MRE11: variants seen among roughly 807,000 people sequenced by gnomAD.
MRE11 encodes the protein MRE11 double strand break repair nuclease.
MRE11 carries 62 observed loss-of-function variants against 91.7 expected under a neutral mutation model. The observed-to-expected ratio is 0.68, with a 90% CI of 0.55 to 0.84. The LOEUF (loss-of-function observed/expected upper bound fraction) is 0.84, where lower values mean the gene tolerates loss of function less well. Among genes scored for constraint, MRE11 ranks in the 40% least tolerant of loss-of-function variants. The pLI is 0.00. For missense variants in MRE11, 796 were observed against 852.9 expected (o/e 0.93, Z 0.83); for synonymous variants, 273 against 271.4 (o/e 1.01, Z -0.06).
chr11:94,427,563 AAAG>A (rs1294644042), intron 19 of MRE11, among the ~76,000 whole-genome samples: 1 of 152,186 alleles, frequency 6.6e-6, no homozygotes, highest in East Asian at 1.9e-4. Context: ...CAAGAGAAAG[AAAG>A]AAAAGACATC....
chr11:94,440,761 T>G (rs2134864001), intron 16 of MRE11, among the ~76,000 whole-genome samples: 1 of 152,332 alleles, frequency 6.6e-6, no homozygotes, highest in Non-Finnish European at 1.5e-5. Flanking sequence ...GGTAGTTCAT[T>G]ACTTTTTCTC....
the MRE11 span, chr11:94,499,069 C>T: frequency 6.5e-6 from 1 of 154,746 alleles, no homozygotes; most frequent in African/African-American, 2.4e-5. Context: ...AGCAAAAAAC[C>T]TAGATCTTTG....
the MRE11 span, among the ~76,000 whole-genome samples, chr11:94,507,204 C>G: frequency 1.3e-5 from 2 of 152,116 alleles, no homozygotes; most frequent in Non-Finnish European, 2.9e-5. Flanking sequence ...TTAGTTTTGC[C>G]TACATAAATG....
chr11:94,510,488 C>A, the MRE11 span, among the ~76,000 whole-genome samples: 114 of 152,296 alleles, frequency 7.5e-4, no homozygotes, highest in African/African-American at 2.7e-3. Context: ...CCCACTGCTT[C>A]TTGATAAAAA....
chr11:94,506,585 C>CTTTT, the MRE11 span, among the ~76,000 whole-genome samples: 3 of 147,184 alleles, frequency 2.0e-5, no homozygotes, highest in African/African-American at 7.7e-5. Context: ...ACAGTAATTG[C>CTTTT]TTTTTTTGTT....
At chr11:94,451,423 A>G (rs909125701) in intron 14 of MRE11, among the ~76,000 whole-genome samples, 3 of 152,212 alleles carry the variant, frequency 2.0e-5, no homozygotes, top group African/African-American at 7.2e-5. Flanking sequence ...AAAACAGATA[A>G]GCCCACTGCT....
At chr11:94,467,639 T>C (rs561986612) in intron 10 of MRE11, among the ~76,000 whole-genome samples, 174 bp downstream of exon 10, 1 of 152,310 alleles carries the variant, frequency 6.6e-6, no homozygotes, top group East Asian at 1.9e-4. Flanking sequence ...ACCAAACCTA[T>C]CACTTAAACT....
At chr11:94,427,431 A>T (rs897862878) in intron 19 of MRE11, among the ~76,000 whole-genome samples, 1 of 152,154 alleles carries the variant, frequency 6.6e-6, no homozygotes, top group Admixed American at 6.5e-5. Flanking sequence ...TCCACAACCA[A>T]CATCATGCTG....
At chr11:94,494,290 C>G (rs1947376711), upstream of MRE11, 1 of 152,388 alleles carries the variant, frequency 6.6e-6, no homozygotes, top group Non-Finnish European at 1.5e-5. Flanking sequence ...TCCCTCCCTC[C>G]CAGTCGCCAG....
Position 94,476,398 on chromosome 11 carries a change from T to G in MRE11, c.550A>C (p.Ile184Leu). 6.3e-7 allele frequency: 1 copy of G among 1,595,598 alleles called. No individual in the cohort carries two copies. The highest frequency in any genetic ancestry group is 8.6e-7 in the Non-Finnish European group (1 of 1,163,628). ...ATTCGATAGAGCCTTTCATCTGGAA[T>G]GGATCCTGAAATGGACATTACATTA... is the stretch of plus-strand genomic sequence containing the variant. Reference protein sequence around the residue: ...TKIALYGLGSIPDERLYRMFV... With the variant: ...TKIALYGLGSLPDERLYRMFV... Residue 184 changes from isoleucine (I) to leucine (L), a missense_variant, in exon 7 of 20, where the codon ATT becomes CTT. By Grantham distance (5) the Ile-to-Leu change is conservative. Transcript: ENST00000323929.
intron 11 of MRE11, among the ~76,000 whole-genome samples, chr11:94,463,198 C>T (rs980385455): frequency 6.6e-6 from 1 of 152,098 alleles, no homozygotes; most frequent in Non-Finnish European, 1.5e-5. Context: ...CATCACTGCC[C>T]GTCAGAGAAA....
chr11:94,426,768 T>G (rs1278976007), intron 19 of MRE11, among the ~76,000 whole-genome samples: 1 of 152,202 alleles, frequency 6.6e-6, no homozygotes, highest in Non-Finnish European at 1.5e-5. Flanking sequence ...TAGAGACTAC[T>G]ATGAATAACT....
At position 94,419,164 on chromosome 11, in the gene MRE11, G is replaced by C. The variant is rs1004705040; in HGVS notation, c.*961C>G. 1 of 232,550 alleles carries C rather than the reference G, an allele frequency of 4.3e-6. No individual in the cohort carries two copies. Among genetic ancestry groups the C allele is most frequent in the African/African-American group, 2.2e-5 (1 of 45,324 alleles). 14.4% of individuals were successfully genotyped at this position (232,550 alleles called of 1,614,324 possible). ...CCCCGAAAACAAGTAAAAAATAGAA[G>C]CTTAACATGGGCTACTAAGATTTCT... On this transcript the variant is annotated 3_prime_UTR_variant, in exon 20 of 20. Coordinates refer to ENST00000323929, the MANE Select transcript of MRE11 (RefSeq NM_005591.4).
Position 94,474,974 on chromosome 11 carries a change from C to CT in MRE11, c.659+1314dup, listed in dbSNP as rs938479104. Among the ~76,000 whole-genome samples the CT allele has an allele frequency of 5.9e-5, 9 of 152,268 alleles. 1 individual carries two copies. The highest frequency in any genetic ancestry group is 3.4e-3 in the Middle Eastern group (1 of 294). Reference sequence around the variant, plus strand: ...TGAAGACCACACACATATCTAAACTCTGGCCTGCCCCTCCTTTGAAACTCA... The same window carrying CT: ...TGAAGACCACACACATATCTAAACTCTTGGCCTGCCCCTCCTTTGAAACTCA... On this transcript the variant is annotated intron_variant, in intron 7 of 19. Transcript: ENST00000323929.
chr11:94,436,318 T>C (rs1233923933), intron 17 of MRE11, among the ~76,000 whole-genome samples: 1 of 152,238 alleles, frequency 6.6e-6, no homozygotes, highest in Non-Finnish European at 1.5e-5. Context: ...CCCTCTTAAA[T>C]ACCATTTGTT....
At chr11:94,472,221 A>G (rs1946735584) in intron 7 of MRE11, among the ~76,000 whole-genome samples, 1 of 152,110 alleles carries the variant, frequency 6.6e-6, no homozygotes. Context: ...TCAATCTCAC[A>G]TAAGTGCTAA....
intron 18 of MRE11, 58 bp from the exon 19 acceptor site, chr11:94,430,044 C>A: frequency 6.4e-7 from 1 of 1,556,988 alleles, no homozygotes; most frequent in Non-Finnish European, 8.9e-7. Flanking sequence ...ATCAAGTGTG[C>A]CTTTCTGGCT....
intron 14 of MRE11, among the ~76,000 whole-genome samples, chr11:94,452,377 C>G (rs1234692522): frequency 1.3e-5 from 2 of 151,882 alleles, no homozygotes; most frequent in African/African-American, 4.8e-5. Flanking sequence ...ATTTCTTACC[C>G]CTTAGACTTG....
At chr11:94,504,526 T>A in the MRE11 span, among the ~76,000 whole-genome samples, 1 of 152,250 alleles carries the variant, frequency 6.6e-6, no homozygotes, top group African/African-American at 2.4e-5. Flanking sequence ...TTTGGCAGGA[T>A]TCAAGAAATT....
Sources: allele counts gnomAD v4.1 joint callset (sites outside exome capture counted in the v4.1 genomes callset), GRCh38; gene constraint gnomAD v4.1.1; transcripts MANE v1.5; gene names NCBI Gene and HGNC (gene_info 2026-07-23, HGNC 2026-07-21).